The following CHRNA7 variants were observed in gnomAD, a reference collection of about 807,000 sequenced individuals.
The protein encoded by CHRNA7 is neuronal acetylcholine receptor subunit alpha-7.
Under a neutral mutation model 48.0 loss-of-function variants are expected in CHRNA7, and 17 were observed. That is an observed-to-expected ratio of 0.35 (90% CI 0.24 to 0.53). CHRNA7 has a LOEUF of 0.53. CHRNA7 is among the 20% of genes least tolerant of loss of function. The pLI is 0.92. For missense variants in CHRNA7, 155 were observed against 577.7 expected, an observed-to-expected ratio of 0.27 and a Z score of 7.50; for synonymous variants, 75 against 242.3, an observed-to-expected ratio of 0.31 and a Z score of 6.41.
intron 4 of CHRNA7, among the ~76,000 whole-genome samples, chr15:32,134,517 A>G (rs2051212835): frequency 6.6e-6 from 1 of 152,216 alleles, no homozygotes; most frequent in Admixed American, 6.5e-5. Flanking sequence ...TTAAGAAAAC[A>G]TTACAGATGA....
intron 3 of CHRNA7, chr15:32,111,514 A>G (rs2050761707): frequency 3.2e-6 from 1 of 313,026 alleles, no homozygotes; most frequent in South Asian, 1.1e-4. Flanking sequence ...CAGGAGGAGA[A>G]GGCTCGGGGA....
intron 4 of CHRNA7, among the ~76,000 whole-genome samples, chr15:32,130,969 ATTCGGAAAC>A (rs2051144945): frequency 1.3e-5 from 2 of 151,946 alleles, no homozygotes; most frequent in Non-Finnish European, 2.9e-5. Context: ...TTATTTCAGC[ATTCGGAAAC>A]TGTCATACCA....
chr15:32,059,787 A>G (rs1432834565), intron 2 of CHRNA7, among the ~76,000 whole-genome samples: 1 of 151,962 alleles, frequency 6.6e-6, no homozygotes, highest in African/African-American at 2.4e-5. Context: ...ACACAAACAC[A>G]TACTTAGAAG....
chr15:32,134,852 T>C (rs2051221590), intron 4 of CHRNA7, among the ~76,000 whole-genome samples: 1 of 152,214 alleles, frequency 6.6e-6, no homozygotes, highest in East Asian at 1.9e-4. Context: ...AGTGGAGGCA[T>C]AGAATGTCAG....
At chr15:32,136,812 A>T (rs1371479323) in intron 4 of CHRNA7, among the ~76,000 whole-genome samples, 1 of 151,782 alleles carries the variant, frequency 6.6e-6, no homozygotes, top group Non-Finnish European at 1.5e-5. Flanking sequence ...CGGGCGGATC[A>T]CGAGGTCAGG....
chr15:32,088,275 C>T (rs1054878630), intron 2 of CHRNA7, among the ~76,000 whole-genome samples: 4 of 152,134 alleles, frequency 2.6e-5, no homozygotes, highest in African/African-American at 9.7e-5. Flanking sequence ...TAGCTCATTT[C>T]ATTTTATACT....
chr15:32,152,246 C>G (rs188138745), intron 4 of CHRNA7, among the ~76,000 whole-genome samples: 3 of 152,206 alleles, frequency 2.0e-5, no homozygotes, highest in Non-Finnish European at 4.4e-5. Context: ...AGTTCAAGAC[C>G]AGCCTAACCA....
At chr15:32,072,932 G>C (rs2050081066) in intron 2 of CHRNA7, among the ~76,000 whole-genome samples, 1 of 152,208 alleles carries the variant, frequency 6.6e-6, no homozygotes, top group Non-Finnish European at 1.5e-5. Context: ...GCGTCTAATA[G>C]GGTAGTGCTG....
Position 32,117,371 on chromosome 15 carries a change from T to C in CHRNA7, c.350+5472T>C, listed in dbSNP as rs75010965. On this transcript the variant is annotated intron_variant, in intron 4 of 9. Transcript: ENST00000306901. ...CTGGCTTGCCTGCCCCATGTGTGGA[T>C]CAAGTGCAGAGCTGCAGATGCTTGC... is the stretch of plus-strand genomic sequence containing the variant. 7.0e-3 allele frequency among the ~76,000 whole-genome samples: 1,067 copies of C among 152,264 alleles called. 10 individuals carry two copies. The highest frequency in any genetic ancestry group is 0.024 in the African/African-American group (1,018 of 41,554).
chr15:32,114,045 T>TATATAC (rs2050815449), intron 4 of CHRNA7, among the ~76,000 whole-genome samples: 5 of 35,348 alleles, frequency 1.4e-4, no homozygotes, highest in African/African-American at 3.6e-4. Flanking sequence ...TATATATATG[T>TATATAC]ATATATATAT....
chr15:32,059,818 TC>T (rs2049847028), intron 2 of CHRNA7, among the ~76,000 whole-genome samples: 1 of 151,790 alleles, frequency 6.6e-6, no homozygotes, highest in South Asian at 2.1e-4. Flanking sequence ...ACTTCATCCT[TC>T]AATTCCAGTA....
At chr15:32,040,999 AT>A (rs1243255025) in intron 2 of CHRNA7, among the ~76,000 whole-genome samples, 1 of 151,926 alleles carries the variant, frequency 6.6e-6, no homozygotes, top group African/African-American at 2.4e-5. Context: ...TGCTTGCATG[AT>A]TTCATGTAAG....
At chr15:32,122,871 T>G (rs2050996813) in intron 4 of CHRNA7, among the ~76,000 whole-genome samples, 1 of 140,506 alleles carries the variant, frequency 7.1e-6, no homozygotes, top group Non-Finnish European at 1.6e-5. Flanking sequence ...GGCAAAACCC[T>G]TATAAGCTCT....
chr15:32,047,103 G>A (rs1041702848), intron 2 of CHRNA7, among the ~76,000 whole-genome samples: 9 of 145,392 alleles, frequency 6.2e-5, no homozygotes, highest in African/African-American at 1.3e-4. Flanking sequence ...GTCAGGTAGC[G>A]TGATGCCTCC....
chr15:32,084,249 A>G (rs1471768832), intron 2 of CHRNA7, among the ~76,000 whole-genome samples: 1 of 152,230 alleles, frequency 6.6e-6, no homozygotes, highest in Non-Finnish European at 1.5e-5. Flanking sequence ...TGTGACAGCA[A>G]TATGAACTAA....
intron 2 of CHRNA7, among the ~76,000 whole-genome samples, chr15:32,045,012 A>G (rs560918059): frequency 8.5e-5 from 13 of 152,114 alleles, no homozygotes; most frequent in Admixed American, 2.0e-4. Context: ...CATTGTGTCT[A>G]TCTGTTGTTA....
rs1360830428 is a variant in CHRNA7, at chr15:32,123,483, A to G, written c.350+11584A>G. On this transcript the variant is annotated intron_variant, in intron 4 of 9. Coordinates refer to ENST00000306901, the MANE Select transcript of CHRNA7 (RefSeq NM_000746.6). ...ATGAGGTCTCTCATGGATCCCTGGC[A>G]TGGGTATGAACATTATTTTAAACTG... is the stretch of plus-strand genomic sequence containing the variant. Among the ~76,000 whole-genome samples the G allele has an allele frequency of 3.9e-5, 6 of 152,204 alleles. No homozygotes were observed. In the East Asian group the frequency reaches 7.7e-4, roughly 20 times the overall value.
chr15:32,129,693 TTC>T (rs1483287703), intron 4 of CHRNA7, among the ~76,000 whole-genome samples: 1 of 151,920 alleles, frequency 6.6e-6, no homozygotes, highest in Non-Finnish European at 1.5e-5. Context: ...TGATTTTTTT[TTC>T]TTTTTTTTCT....
At chr15:32,137,039 A>AT (rs1566865782) in intron 4 of CHRNA7, among the ~76,000 whole-genome samples, 11 of 147,906 alleles carry the variant, frequency 7.4e-5, no homozygotes, top group African/African-American at 2.5e-4. Flanking sequence ...CTCAAAAAAA[A>AT]AAAAAAAGAA....
Sources: gnomAD v4.1 joint callset for allele counts (sites outside exome capture counted in the v4.1 genomes callset) on GRCh38, gnomAD v4.1.1 for gene constraint, MANE v1.5 for transcripts, NCBI Gene and HGNC (gene_info 2026-07-23, HGNC 2026-07-21) for gene names.